Variants in RYR2 observed in about 807,000 individuals in gnomAD.
The protein encoded by RYR2 is cardiac muscle ryanodine receptor-calcium release channel.
In RYR2, 227 loss-of-function variants were observed where a neutral mutation model predicts 601.1. That is an observed-to-expected ratio of 0.38 (90% confidence interval 0.34 to 0.42). RYR2 has a LOEUF of 0.42. RYR2 is among the 10% of genes least tolerant of loss of function. The pLI, the probability that RYR2 is intolerant of heterozygous loss-of-function variation, is 1.00. For synonymous variants in RYR2, 2,223 were observed against 2,175.1 expected (o/e 1.02, Z -0.61); for missense variants, 4,646 against 6,156.5 (o/e 0.75, Z 8.21).
chr1:237,053,892 G>C (rs1272294472), intron 1 of RYR2, among the ~76,000 whole-genome samples: 1 of 152,136 alleles, frequency 6.6e-6, no homozygotes, highest in Non-Finnish European at 1.5e-5. Flanking sequence ...GACTGAAAAG[G>C]ATCTTCAGGG....
intron 12 of RYR2, among the ~76,000 whole-genome samples, chr1:237,440,513 T>C (rs1707810289): frequency 6.6e-6 from 1 of 151,674 alleles, no homozygotes; most frequent in African/African-American, 2.4e-5. Context: ...ATGGAAAGAG[T>C]ATGTTGGAGG....
intron 1 of RYR2, among the ~76,000 whole-genome samples, chr1:237,141,549 A>T (rs911815410): frequency 2.6e-5 from 4 of 152,198 alleles, no homozygotes; most frequent in Admixed American, 2.6e-4. Context: ...ACTGGGGAGT[A>T]TAATGCCTCC....
chr1:237,833,552 T>A lies in RYR2; in HGVS notation c.*905T>A, dbSNP rs1664057761. On this transcript the variant is annotated 3_prime_UTR_variant, in exon 105 of 105. Transcript: ENST00000366574. ...ACCTTCAGAAACAAGTTGATCAACGTGAGAGAAATTTCATGATAATTATTC... is the reference window on the plus strand; with the variant it reads ...ACCTTCAGAAACAAGTTGATCAACGAGAGAGAAATTTCATGATAATTATTC... 1 of 152,412 alleles carries A rather than the reference T, an allele frequency of 6.6e-6. No homozygotes were observed. Among genetic ancestry groups the A allele is most frequent in the Admixed American group, 6.6e-5 (1 of 15,262 alleles). The allele number at this position is 152,412 out of a possible 1,614,324, so 9.4% of individuals were successfully genotyped here.
At position 237,622,917 on chromosome 1, in the gene RYR2, C is replaced by T. The variant is rs12128644; in HGVS notation, c.5917-848C>T. On this transcript the variant is annotated intron_variant, in intron 38 of 104. Coordinates refer to ENST00000366574, the MANE Select transcript of RYR2 (RefSeq NM_001035.3). ...TATTCCAAACTCTGAAAAAGAAATCCTAGATCTGAAACACTTCCGGCCCCA... is the reference window on the plus strand; with the variant it reads ...TATTCCAAACTCTGAAAAAGAAATCTTAGATCTGAAACACTTCCGGCCCCA... Among the ~76,000 whole-genome samples, 1,009 of 152,158 alleles carry T rather than the reference C, an allele frequency of 6.6e-3. 1 individual carries two copies. The highest frequency in any genetic ancestry group is 0.017 in the Middle Eastern group (5 of 294).
At chr1:237,137,067 C>T (rs80175606) in intron 1 of RYR2, among the ~76,000 whole-genome samples, 4,109 of 151,698 alleles carry the variant, frequency 0.027, 133 homozygotes, top group East Asian at 0.12. Flanking sequence ...TCTAGATTCC[C>T]GTAGCCAGTG....
At chr1:237,108,611 G>A (rs559069825) in intron 1 of RYR2, among the ~76,000 whole-genome samples, 1 of 152,338 alleles carries the variant, frequency 6.6e-6, no homozygotes, top group African/African-American at 2.4e-5. Flanking sequence ...TTTCTCCTGA[G>A]GCACATAGGA....
intron 25 of RYR2, among the ~76,000 whole-genome samples, chr1:237,543,169 C>CCT (rs761332786): frequency 6.0e-4 from 91 of 151,576 alleles, no homozygotes; most frequent in South Asian, 4.8e-3. Flanking sequence ...CTTTTTTTTC[C>CCT]CTCTCTCTCT....
At chr1:237,311,684 G>C (rs1239986868) in intron 2 of RYR2, among the ~76,000 whole-genome samples, 1 of 151,750 alleles carries the variant, frequency 6.6e-6, no homozygotes, top group Non-Finnish European at 1.5e-5. Context: ...TCACCATGTT[G>C]CCCAGTCTAG....
intron 1 of RYR2, among the ~76,000 whole-genome samples, chr1:237,111,584 T>A (rs1669481560): frequency 8.9e-6 from 1 of 111,930 alleles, no homozygotes; most frequent in South Asian, 3.6e-4. Context: ...TGAGACTCCG[T>A]CTCTTTAAAA....
chr1:237,333,293 G>A (rs542104770), intron 3 of RYR2, among the ~76,000 whole-genome samples: 1 of 152,282 alleles, frequency 6.6e-6, no homozygotes, highest in South Asian at 2.1e-4. Flanking sequence ...GCTCAACGGG[G>A]TACCGTATAT....
intron 8 of RYR2, among the ~76,000 whole-genome samples, chr1:237,382,193 T>C (rs1701578343): frequency 6.6e-6 from 1 of 152,142 alleles, no homozygotes; most frequent in African/African-American, 2.4e-5. Flanking sequence ...GGTTACTTAA[T>C]GAAACAGGCC....
At chr1:237,756,478 C>G in intron 81 of RYR2, 91 bp downstream of exon 81, 1 of 776,842 alleles carries the variant, frequency 1.3e-6, no homozygotes. Flanking sequence ...TCCACTGACT[C>G]ATTTAGTCCT....
chr1:237,484,792 C>T (rs577897953), intron 17 of RYR2, among the ~76,000 whole-genome samples: 1 of 152,228 alleles, frequency 6.6e-6, no homozygotes, highest in Non-Finnish European at 1.5e-5. Context: ...CAAACAGGAC[C>T]ACTTTTTTTT....
chr1:237,451,424 T>A (rs1425948993), intron 14 of RYR2, among the ~76,000 whole-genome samples: 1 of 151,852 alleles, frequency 6.6e-6, no homozygotes, highest in Non-Finnish European at 1.5e-5. Flanking sequence ...AATATAAAAA[T>A]TAGCTGGATG....
intron 34 of RYR2, 139 bp from the exon 35 acceptor site, chr1:237,601,885 AG>A: frequency 1.6e-6 from 1 of 628,116 alleles, no homozygotes; most frequent in Non-Finnish European, 2.8e-6. Flanking sequence ...TAATTCTTGA[AG>A]GAGCACATCA....
Position 237,832,704 on chromosome 1 carries a change from A to T in RYR2, c.*57A>T, listed in dbSNP as rs1056879701. On this transcript the variant is annotated 3_prime_UTR_variant, in exon 105 of 105. Coordinates refer to ENST00000366574, the MANE Select transcript of RYR2 (RefSeq NM_001035.3). ...CCCTACCCCTCTCTCTCCCTCTCTC[A>T]ATTTCTCTGCTCTCTTGGAAACATT... 2.1e-6 allele frequency: 2 copies of T among 972,084 alleles called. No individual in the cohort carries two copies. Among genetic ancestry groups the T allele is most frequent in the Admixed American group, 2.0e-5 (1 of 49,900 alleles). The allele number at this position is 972,084 out of a possible 1,614,324, so 60.2% of individuals were successfully genotyped here.
intron 1 of RYR2, among the ~76,000 whole-genome samples, chr1:237,158,958 A>G (rs1008093611): frequency 2.2e-4 from 34 of 152,244 alleles, no homozygotes; most frequent in Admixed American, 1.5e-3. Flanking sequence ...CCATAAATCA[A>G]CACACGGTAG....
intron 1 of RYR2, among the ~76,000 whole-genome samples, chr1:237,052,516 T>G (rs1388490136): frequency 1.3e-5 from 2 of 152,230 alleles, no homozygotes; most frequent in Non-Finnish European, 2.9e-5. Flanking sequence ...CTAAAAGTGC[T>G]CCAAAATCTC....
intron 1 of RYR2, among the ~76,000 whole-genome samples, chr1:237,159,413 C>G (rs1344762507): frequency 6.6e-6 from 1 of 152,040 alleles, no homozygotes; most frequent in African/African-American, 2.4e-5. Context: ...AAGAGGTGAT[C>G]AAATAGACAG....
Sources: gnomAD v4.1 joint callset for allele counts (sites outside exome capture counted in the v4.1 genomes callset) on GRCh38, gnomAD v4.1.1 for gene constraint, MANE v1.5 for transcripts, NCBI Gene and HGNC (gene_info 2026-07-23, HGNC 2026-07-21) for gene names.